Variants in MXRA7 observed in about 807,000 individuals in gnomAD.
The protein encoded by MXRA7 is matrix remodeling associated 7, also known as matrix-remodeling-associated protein 7.
Under a neutral mutation model 17.4 loss-of-function variants are expected in MXRA7, and 18 were observed. The observed-to-expected ratio is 1.03, with a 90% CI of 0.71 to 1.53. The LOEUF is 1.53. MXRA7 is among the 40% of genes most tolerant of loss of function. MXRA7 has a pLI of 0.00. For missense variants in MXRA7, 141 were observed against 209.3 expected, an observed-to-expected ratio of 0.67 and a Z score of 2.01; for synonymous variants, 70 against 101.7, an observed-to-expected ratio of 0.69 and a Z score of 1.87.
At chr17:76,689,860 A>G (rs1004492007) in intron 1 of MXRA7, 1 of 152,050 alleles carries the variant, frequency 6.6e-6, no homozygotes, top group African/African-American at 2.4e-5. Flanking sequence ...TACAAAAAAA[A>G]ATTAGCCGAG....
downstream of MXRA7, chr17:76,677,432 C>G: frequency 1.7e-6 from 1 of 592,486 alleles, no homozygotes; most frequent in Non-Finnish European, 3.0e-6. Context: ...AAGTAATATA[C>G]ACACTGCAAG....
chr17:76,702,672 C>T (rs116848772), intron 1 of MXRA7, among the ~76,000 whole-genome samples: 3,180 of 151,412 alleles, frequency 0.021, 108 homozygotes, highest in East Asian at 0.13. Flanking sequence ...CTGTAACACG[C>T]GAAACTTCAT....
chr17:76,710,545 C>T, intron 1 of MXRA7, 60 bp downstream of exon 1: 1 of 1,208,142 alleles, frequency 8.3e-7, no homozygotes, highest in Non-Finnish European at 1.0e-6. Flanking sequence ...CGGCGGGGAA[C>T]GGCAGCGGCA....
chr17:76,692,078 A>C lies in MXRA7; in HGVS notation c.343-3902T>G, dbSNP rs2076483424. 2.0e-5 allele frequency among the ~76,000 whole-genome samples: 3 copies of C among 152,040 alleles called. No homozygotes were observed. In the South Asian group the frequency reaches 6.2e-4, roughly 32 times the overall value. On this transcript the variant is annotated intron_variant, in intron 1 of 3. Transcript: ENST00000449428. ...CACATTTAGATTCTGGGCCAGGCAC[A>C]GTGGCTCACACCTGTAATCACAGCA...
intron 1 of MXRA7, among the ~76,000 whole-genome samples, chr17:76,691,856 G>T (rs889604214): frequency 6.6e-6 from 1 of 152,142 alleles, no homozygotes; most frequent in Non-Finnish European, 1.5e-5. Context: ...ATGTGCAAAG[G>T]ACACAAAGAT....
intron 2 of MXRA7, among the ~76,000 whole-genome samples, chr17:76,685,481 G>A (rs1362315076): frequency 6.6e-6 from 1 of 152,228 alleles, no homozygotes; most frequent in Non-Finnish European, 1.5e-5. Flanking sequence ...ACTGAGCTCA[G>A]AGGCGACAAC....
chr17:76,689,114 G>C (rs1183635983), intron 1 of MXRA7: 4 of 152,602 alleles, frequency 2.6e-5, no homozygotes, highest in African/African-American at 9.6e-5. Flanking sequence ...CTGAGACAGA[G>C]TTTTGGCTCT....
In MXRA7 at chr17:76,697,912, A is replaced by AAG. The variant is rs2076549096; in HGVS notation, c.343-9738_343-9737dup. On this transcript the variant is annotated intron_variant, in intron 1 of 3. Coordinates refer to ENST00000449428, the MANE Select transcript of MXRA7 (RefSeq NM_198530.4). ...GAGAGGGAGAGAGGGGAGGGGAGAG[A>AAG]AGAGAGGGATAGATAAGGCGGGGGG... Among the ~76,000 whole-genome samples, 3 of 149,250 alleles carry AAG rather than the reference A, an allele frequency of 2.0e-5. No individual in the cohort carries two copies. The South Asian group carries it at 6.6e-4, about 33-fold the overall frequency.
intron 1 of MXRA7, among the ~76,000 whole-genome samples, chr17:76,695,250 A>G (rs1251249849): frequency 6.6e-6 from 1 of 152,168 alleles, no homozygotes; most frequent in Non-Finnish European, 1.5e-5. Context: ...CACAACAGAA[A>G]AGTGAAAGTG....
At chr17:76,697,772 A>T (rs2076547552) in intron 1 of MXRA7, among the ~76,000 whole-genome samples, 1 of 152,180 alleles carries the variant, frequency 6.6e-6, no homozygotes, top group South Asian at 2.1e-4. Flanking sequence ...GCCAGGCTGC[A>T]GTAGCTGGGA....
At chr17:76,710,250 G>A (rs563918689) in intron 1 of MXRA7, among the ~76,000 whole-genome samples, 1 of 152,234 alleles carries the variant, frequency 6.6e-6, no homozygotes, top group Non-Finnish European at 1.5e-5. Context: ...GTGGGCGGGA[G>A]GGGTCAGAAG....
intron 1 of MXRA7, among the ~76,000 whole-genome samples, chr17:76,693,523 T>G (rs1050415549): frequency 6.0e-5 from 9 of 150,798 alleles, no homozygotes; most frequent in African/African-American, 2.2e-4. Context: ...AACAGTGTTT[T>G]GTGTGTGGTA....
rs1407098226 is a variant in MXRA7, at chr17:76,680,311, A to C, written c.*556T>G. On this transcript the variant is annotated 3_prime_UTR_variant, in exon 4 of 4. Coordinates refer to ENST00000449428, the MANE Select transcript of MXRA7 (RefSeq NM_198530.4). ...ACTGGTTCTTTGCTGCCCTGTAATC[A>C]ATATGGCATCTCACCCCCGACAACC... 10 of 985,242 alleles carry C rather than the reference A, an allele frequency of 1.0e-5. No individual in the cohort carries two copies. The highest frequency in any genetic ancestry group is 9.6e-6 in the Non-Finnish European group (8 of 829,990). The allele number at this position is 985,242 out of a possible 1,614,324, so 61.0% of individuals were successfully genotyped here. A position where few individuals can be genotyped will look rare whatever the true frequency, so the allele number is the denominator to read the frequency against.
rs1224683306 is a variant in MXRA7, at chr17:76,685,179, A to G, written c.407-14T>C. The G allele has an allele frequency of 1.2e-6, 2 of 1,605,048 alleles. No homozygotes were observed. Among genetic ancestry groups the G allele is most frequent in the Admixed American group, 1.7e-5 (1 of 59,880 alleles). ...AGAAGCCTTCTCCTGTGGAGGGGGGACCCAGTAAGTGCCAGGAGTGCTGTA... is the reference window on the plus strand; with the variant it reads ...AGAAGCCTTCTCCTGTGGAGGGGGGGCCCAGTAAGTGCCAGGAGTGCTGTA... On this transcript the variant is annotated splice_polypyrimidine_tract_variant and intron_variant, in intron 2 of 3. Coordinates refer to ENST00000449428, the MANE Select transcript of MXRA7 (RefSeq NM_198530.4).
chr17:76,700,827 G>A (rs925393687), intron 1 of MXRA7, among the ~76,000 whole-genome samples: 6 of 152,200 alleles, frequency 3.9e-5, no homozygotes, highest in African/African-American at 1.4e-4. Context: ...GAGTGGGCGG[G>A]CGGCAGGCGG....
intron 3 of MXRA7, chr17:76,684,058 G>A: frequency 1.3e-6 from 1 of 774,204 alleles, no homozygotes; most frequent in South Asian, 1.4e-5. Context: ...CACCCAGGGT[G>A]AAGAGCTTTC....
chr17:76,709,537 T>G (rs1222109677), intron 1 of MXRA7: 3 of 152,734 alleles, frequency 2.0e-5, no homozygotes, highest in African/African-American at 7.2e-5. Flanking sequence ...CCTGGCTGCC[T>G]CCTCCTCCCC....
chr17:76,695,408 C>T lies in MXRA7; in HGVS notation c.343-7232G>A, dbSNP rs567475120. Among the ~76,000 whole-genome samples, 11 of 151,420 alleles carry T rather than the reference C, an allele frequency of 7.3e-5. No homozygotes were observed. In the South Asian group the frequency reaches 2.3e-3, roughly 32 times the overall value. ...GGGATGGGAAGGGATAAAGCAAAAC[C>T]TTGTGCGAAATACCAGAGCTCCATC... On this transcript the variant is annotated intron_variant, in intron 1 of 3. Coordinates refer to ENST00000449428, the MANE Select transcript of MXRA7 (RefSeq NM_198530.4).
At chr17:76,699,473 A>G (rs1160370471) in intron 1 of MXRA7, among the ~76,000 whole-genome samples, 1 of 152,134 alleles carries the variant, frequency 6.6e-6, no homozygotes, top group Non-Finnish European at 1.5e-5. Context: ...ACATCTTCAA[A>G]TGCCAACTTC....
Sources: gnomAD v4.1 joint callset for allele counts (sites outside exome capture counted in the v4.1 genomes callset) on GRCh38, gnomAD v4.1.1 for gene constraint, MANE v1.5 for transcripts, NCBI Gene and HGNC (gene_info 2026-07-23, HGNC 2026-07-21) for gene names.